The following TMEM178B variants were observed in gnomAD, a reference collection of about 807,000 sequenced individuals.
The protein encoded by TMEM178B is transmembrane protein 178B.
Under a neutral mutation model 31.0 loss-of-function variants are expected in TMEM178B, and 5 were observed. The ratio of observed to expected loss-of-function variants is 0.16; its 90% CI spans 0.08 to 0.34. The LOEUF is 0.34. TMEM178B is among the 10% of genes least tolerant of loss of function. TMEM178B has a pLI of 1.00. For synonymous variants in TMEM178B, 164 were observed against 164.0 expected (o/e 1.00, Z 0.00); for missense variants, 275 against 400.3 (o/e 0.69, Z 2.67).
chr7:141,324,740 A>ATG (rs1043186882), intron 2 of TMEM178B, among the ~76,000 whole-genome samples: 10 of 151,536 alleles, frequency 6.6e-5, no homozygotes, highest in Admixed American at 2.0e-4. Flanking sequence ...TGCTACTTGT[A>ATG]TGTGTGTGTG....
At chr7:141,107,040 G>T (rs1221600233) in intron 1 of TMEM178B, among the ~76,000 whole-genome samples, 4 of 152,216 alleles carry the variant, frequency 2.6e-5, no homozygotes, top group African/African-American at 4.8e-5. Flanking sequence ...CAGGGAAGAA[G>T]AGCTCACTAA....
chr7:141,288,552 A>G (rs1798490164), intron 2 of TMEM178B, among the ~76,000 whole-genome samples: 2 of 151,996 alleles, frequency 1.3e-5, no homozygotes, highest in Admixed American at 1.3e-4. Context: ...TGATTGTGTT[A>G]TCCCCTCTGG....
At chr7:141,492,614 C>A in the TMEM178B span, among the ~76,000 whole-genome samples, 5 of 152,262 alleles carry the variant, frequency 3.3e-5, no homozygotes, top group South Asian at 1.0e-3. Flanking sequence ...CGTAACAGGA[C>A]CTCTGAAAAG....
At chr7:141,328,924 A>G (rs1244095283) in intron 2 of TMEM178B, among the ~76,000 whole-genome samples, 2 of 152,164 alleles carry the variant, frequency 1.3e-5, no homozygotes. Flanking sequence ...TAGGTAATTA[A>G]TTAATGGTGA....
At chr7:141,249,965 A>G (rs539320110) in intron 2 of TMEM178B, among the ~76,000 whole-genome samples, 27 of 152,238 alleles carry the variant, frequency 1.8e-4, no homozygotes, top group Non-Finnish European at 3.5e-4. Flanking sequence ...AACAAAATTT[A>G]AACTTACAAG....
At chr7:141,283,980 T>C (rs953756420) in intron 2 of TMEM178B, among the ~76,000 whole-genome samples, 1 of 152,226 alleles carries the variant, frequency 6.6e-6, no homozygotes, top group Admixed American at 6.5e-5. Context: ...AGAACTGTTA[T>C]GTTGAGCTGA....
chr7:141,082,764 A>G (rs766222442), intron 1 of TMEM178B, among the ~76,000 whole-genome samples: 1 of 152,232 alleles, frequency 6.6e-6, no homozygotes, highest in African/African-American at 2.4e-5. Context: ...ACTCCAGCTC[A>G]TGGTTTCCCA....
chr7:141,211,350 A>G (rs370988884), intron 1 of TMEM178B, among the ~76,000 whole-genome samples: 67 of 152,368 alleles, frequency 4.4e-4, no homozygotes, highest in African/African-American at 1.5e-3. Flanking sequence ...TTGTCCAGAT[A>G]TGATTTACAA....
At chr7:141,497,079 T>C in the TMEM178B span, among the ~76,000 whole-genome samples, 2 of 152,044 alleles carry the variant, frequency 1.3e-5, no homozygotes, top group African/African-American at 4.8e-5. Context: ...GTTTTGCTCT[T>C]GAAGTCCCTG....
chr7:141,379,569 C>T (rs1484602132), intron 2 of TMEM178B, among the ~76,000 whole-genome samples: 1 of 152,178 alleles, frequency 6.6e-6, no homozygotes, highest in Non-Finnish European at 1.5e-5. Flanking sequence ...TTCAAAACAA[C>T]TTGGTTTGTT....
chr7:141,138,357 G>A (rs1017463631), intron 1 of TMEM178B, among the ~76,000 whole-genome samples: 7 of 151,964 alleles, frequency 4.6e-5, no homozygotes, highest in African/African-American at 1.2e-4. Context: ...CACTGCGCCC[G>A]GCCTAAAATT....
intron 2 of TMEM178B, among the ~76,000 whole-genome samples, chr7:141,355,346 C>G (rs775931306): frequency 1.3e-5 from 2 of 152,156 alleles, no homozygotes; most frequent in African/African-American, 2.4e-5. Flanking sequence ...GGCTTCCCTC[C>G]TTGTGGTGGA....
At chr7:141,269,662 A>G (rs1798149561) in intron 2 of TMEM178B, among the ~76,000 whole-genome samples, 1 of 152,214 alleles carries the variant, frequency 6.6e-6, no homozygotes, top group Non-Finnish European at 1.5e-5. Flanking sequence ...ACAGTATGAA[A>G]TGCAGTGACT....
At chr7:141,394,389 G>A (rs1800600044) in intron 2 of TMEM178B, among the ~76,000 whole-genome samples, 1 of 152,218 alleles carries the variant, frequency 6.6e-6, no homozygotes, top group African/African-American at 2.4e-5. Flanking sequence ...ACCCTCTCCT[G>A]TGTGGTGGCT....
intron 2 of TMEM178B, among the ~76,000 whole-genome samples, chr7:141,357,111 TGCAA>T (rs1052554910): frequency 6.6e-6 from 1 of 152,258 alleles, no homozygotes; most frequent in Non-Finnish European, 1.5e-5. Flanking sequence ...TTTCTTCTGC[TGCAA>T]ATAATATCCT....
At chr7:141,436,935 T>G (rs1020474973) in intron 2 of TMEM178B, among the ~76,000 whole-genome samples, 2 of 152,184 alleles carry the variant, frequency 1.3e-5, no homozygotes, top group East Asian at 1.9e-4. Flanking sequence ...GAAAGGGGTC[T>G]GCTCTGGAGC....
chr7:141,448,811 C>T (rs953901480), intron 3 of TMEM178B, among the ~76,000 whole-genome samples: 26 of 152,162 alleles, frequency 1.7e-4, no homozygotes, highest in African/African-American at 6.3e-4. Context: ...GAGGTCTCCT[C>T]CTGTCAGCAT....
rs1422961847 is a variant in TMEM178B at position 141,171,296 on chromosome 7, A to G, written c.383-41295A>G. 6.6e-6 allele frequency among the ~76,000 whole-genome samples: 1 copy of G among 152,166 alleles called. No homozygotes were observed. Among genetic ancestry groups the G allele is most frequent in the African/African-American group, 2.4e-5 (1 of 41,432 alleles). On this transcript the variant is annotated intron_variant, in intron 1 of 3. Transcript: ENST00000565468. The surrounding 1 kb of genome is among the most constrained non-coding windows in gnomAD (Gnocchi z 4.3). ...TGTGAGACCCTGTCTCTGGAAAAAA[A>G]CCAAAATTTTAGACTTTTTACTATG...
intron 2 of TMEM178B, chr7:141,416,026 T>G (rs2116643737): frequency 6.5e-6 from 1 of 152,834 alleles, no homozygotes; most frequent in East Asian, 1.9e-4. Flanking sequence ...GAGAATATTC[T>G]TTTTAAATTC....
Sources: allele counts gnomAD v4.1 joint callset (sites outside exome capture counted in the v4.1 genomes callset), GRCh38; gene constraint gnomAD v4.1.1; non-coding constraint Gnocchi (gnomAD v3.1); transcripts MANE v1.5; gene names NCBI Gene and HGNC (gene_info 2026-07-23, HGNC 2026-07-21).